JARID2: variants seen among roughly 807,000 people sequenced by gnomAD.
The protein encoded by JARID2 is jumonji and AT-rich interaction domain containing 2.
Under a neutral mutation model 125.6 loss-of-function variants are expected in JARID2, and 21 were observed. The observed-to-expected ratio is 0.17, with a 90% confidence interval of 0.12 to 0.24. The LOEUF (loss-of-function observed/expected upper bound fraction) is 0.24, where lower values mean the gene tolerates loss of function less well. Ranked by LOEUF, JARID2 falls within the 10% of genes least tolerant of loss-of-function variation. The probability of loss-of-function intolerance (pLI) is 1.00; values close to 1 mark genes in which losing one functional copy is unlikely to be tolerated. For synonymous variants in JARID2, 736 were observed against 661.6 expected, an observed-to-expected ratio of 1.11 and a Z score of -1.73; for missense variants, 1,303 against 1,639.6, an observed-to-expected ratio of 0.79 and a Z score of 3.55.
chr6:15,353,690 C>T (rs533914536), intron 1 of JARID2, among the ~76,000 whole-genome samples: 3 of 152,054 alleles, frequency 2.0e-5, no homozygotes, highest in Admixed American at 6.5e-5. Flanking sequence ...ATTGTAAACC[C>T]CTTCAACCAA....
chr6:15,252,225 A>G (rs533896272), intron 1 of JARID2, among the ~76,000 whole-genome samples: 1 of 152,350 alleles, frequency 6.6e-6, no homozygotes, highest in South Asian at 2.1e-4. Flanking sequence ...TAAGCTCAGA[A>G]AGAAGACCCA....
At chr6:15,448,303 A>G (rs768768607) in intron 3 of JARID2, among the ~76,000 whole-genome samples, 1 of 152,076 alleles carries the variant, frequency 6.6e-6, no homozygotes, top group Non-Finnish European at 1.5e-5. Context: ...CTTTTATTTG[A>G]GCATTGGTAG....
intron 2 of JARID2, among the ~76,000 whole-genome samples, chr6:15,377,822 T>G: frequency 7.6e-6 from 1 of 132,432 alleles, no homozygotes; most frequent in East Asian, 2.2e-4. Flanking sequence ...GTGAGCCACC[T>G]GTCCCGAGCC....
chr6:15,469,302 CTG>C (rs1160731843), intron 5 of JARID2, among the ~76,000 whole-genome samples: 9 of 37,178 alleles, frequency 2.4e-4, no homozygotes, highest in East Asian at 9.1e-4. Flanking sequence ...CTCTCTGTCT[CTG>C]TCTCTCTCTC....
At chr6:15,474,880 A>G (rs1474281542) in intron 5 of JARID2, among the ~76,000 whole-genome samples, 1 of 152,140 alleles carries the variant, frequency 6.6e-6, no homozygotes, top group Non-Finnish European at 1.5e-5. Context: ...TGTTTTCTTC[A>G]TTCTTTTATA....
intron 2 of JARID2, among the ~76,000 whole-genome samples, chr6:15,401,672 A>T (rs565086735): frequency 1.3e-5 from 2 of 152,188 alleles, no homozygotes; most frequent in East Asian, 3.9e-4. Context: ...AGTGCTCTTG[A>T]TTCTTCTCCC....
At chr6:15,330,344 C>T (rs1762667524) in intron 1 of JARID2, among the ~76,000 whole-genome samples, 2 of 152,180 alleles carry the variant, frequency 1.3e-5, no homozygotes, top group African/African-American at 2.4e-5. Flanking sequence ...ATTAATACCA[C>T]CGAATCCACA....
intron 1 of JARID2, among the ~76,000 whole-genome samples, chr6:15,269,224 G>A (rs7771939): frequency 0.074 from 11,212 of 152,172 alleles, 485 homozygotes; most frequent in East Asian, 0.15. Flanking sequence ...CCTGTTCCCT[G>A]TGCTCCACCC....
chr6:15,485,308 T>C (rs1008621281), intron 5 of JARID2, among the ~76,000 whole-genome samples: 1 of 152,150 alleles, frequency 6.6e-6, no homozygotes, highest in African/African-American at 2.4e-5. Flanking sequence ...CCATGACAAT[T>C]GGACTAAAGA....
chr6:15,398,668 G>A (rs1765306664), intron 2 of JARID2, among the ~76,000 whole-genome samples: 1 of 152,182 alleles, frequency 6.6e-6, no homozygotes, highest in African/African-American at 2.4e-5. Flanking sequence ...AAGTAATGAC[G>A]ATGGTCAGGC....
At chr6:15,516,509 G>A (rs1771567618) in intron 16 of JARID2, among the ~76,000 whole-genome samples, 1 of 152,228 alleles carries the variant, frequency 6.6e-6, no homozygotes, top group South Asian at 2.1e-4. Context: ...TGGGCTTTGT[G>A]GACAGCCCGC....
At chr6:15,465,100 G>A (rs749531702) in intron 4 of JARID2, among the ~76,000 whole-genome samples, 3 of 152,048 alleles carry the variant, frequency 2.0e-5, no homozygotes, top group Admixed American at 6.5e-5. Flanking sequence ...CGTATTTGCC[G>A]AGGAGCCATT....
chr6:15,367,090 G>T (rs552156336), intron 1 of JARID2, among the ~76,000 whole-genome samples: 1 of 152,018 alleles, frequency 6.6e-6, no homozygotes, highest in Non-Finnish European at 1.5e-5. Flanking sequence ...TTTCCCTGTC[G>T]TTACTACCAG....
intron 1 of JARID2, among the ~76,000 whole-genome samples, chr6:15,306,351 T>TG (rs1761826623): frequency 3.1e-5 from 4 of 128,592 alleles, no homozygotes. Context: ...TTTTTTTTTT[T>TG]GAGACGGAGT....
At chr6:15,345,489 T>C (rs578169701) in intron 1 of JARID2, among the ~76,000 whole-genome samples, 11 of 152,342 alleles carry the variant, frequency 7.2e-5, no homozygotes, top group African/African-American at 2.6e-4. Context: ...CATCCTTTCC[T>C]GTGTAATTGA....
At chr6:15,455,773 C>T (rs188861866) in intron 4 of JARID2, among the ~76,000 whole-genome samples, 48 of 152,310 alleles carry the variant, frequency 3.2e-4, no homozygotes, top group African/African-American at 1.1e-3. Flanking sequence ...GGTGATCTGC[C>T]TGCCTCGGCC....
At chr6:15,257,841 C>T (rs927414556) in intron 1 of JARID2, among the ~76,000 whole-genome samples, 6 of 152,134 alleles carry the variant, frequency 3.9e-5, no homozygotes, top group African/African-American at 1.4e-4. Context: ...TATTTTCTTC[C>T]TGTGTCCTCT....
intron 1 of JARID2, among the ~76,000 whole-genome samples, chr6:15,370,140 C>T (rs1764112143): frequency 6.6e-6 from 1 of 152,142 alleles, no homozygotes; most frequent in African/African-American, 2.4e-5. Flanking sequence ...AGTATTTATT[C>T]AGCTCTTGCT....
intron 1 of JARID2, among the ~76,000 whole-genome samples, chr6:15,280,596 T>A (rs959596332): frequency 6.6e-6 from 1 of 151,720 alleles, no homozygotes; most frequent in African/African-American, 2.4e-5. Context: ...CACAAAATGC[T>A]AAGTAAAGGT....
Sources: allele counts gnomAD v4.1 joint callset (sites outside exome capture counted in the v4.1 genomes callset), GRCh38; gene constraint gnomAD v4.1.1; transcripts MANE v1.5; gene names NCBI Gene and HGNC (gene_info 2026-07-23, HGNC 2026-07-21).